Variants in ABCA12 observed in about 807,000 individuals in gnomAD.
ABCA12 encodes glucosylceramide transporter ABCA12.
In ABCA12, 156 loss-of-function variants were observed where a neutral mutation model predicts 293.5. The ratio of observed to expected loss-of-function variants is 0.53; its 90% CI spans 0.47 to 0.61. ABCA12 has a LOEUF of 0.61. ABCA12 is among the 20% of genes least tolerant of loss of function. ABCA12 has a pLI of 0.00. For missense variants in ABCA12, 2,797 were observed against 3,090.2 expected (o/e 0.91, Z 2.25); for synonymous variants, 1,063 against 1,108.0 (o/e 0.96, Z 0.81).
In ABCA12 at chr2:214,975,975, C is replaced by G; in HGVS notation, c.5191G>C (p.Ala1731Pro). 6.2e-7 allele frequency: 1 copy of G among 1,614,078 alleles called. No individual in the cohort carries two copies. The highest frequency in any genetic ancestry group is 8.5e-7 in the Non-Finnish European group (1 of 1,180,000). ...TGGTGGAACCTCTTGATGAGTATAG[C>G]CATGATCTTCTTCAGCAACAGTCCA... ...GFGLLLKKIM[A>P]ILIKRFHHTR... The change falls in exon 34 of 53, where the codon GCT (alanine) becomes CCT (proline). Residue 1731 changes from alanine (A) to proline (P), a missense_variant. By Grantham distance (27) the Ala-to-Pro change is conservative. Coordinates refer to ENST00000272895, the MANE Select transcript of ABCA12 (RefSeq NM_173076.3).
intron 1 of ABCA12, among the ~76,000 whole-genome samples, chr2:215,134,416 G>A (rs1409728065): frequency 7.1e-6 from 1 of 141,016 alleles, no homozygotes; most frequent in African/African-American, 2.7e-5. Flanking sequence ...ATGTATATAT[G>A]TACATATATG....
Position 214,975,912 on chromosome 2 carries a change from T to C in ABCA12, c.5254A>G (p.Ile1752Val). ...GTGGTAACAAAGACGATGGGGAGGA[T>C]AACCTGAGCAATGAGACCTTTCCAG... ...RNWKGLIAQV[I>V]LPIVFVTTAM... The change falls in exon 34 of 53, where the codon ATC becomes GTC. Residue 1752 changes from isoleucine (I) to valine (V), a missense_variant. By Grantham distance (29) the Ile-to-Val change is conservative. Around this residue, in one of 3 missense-constraint regions of ABCA12, gnomAD observed 2,130 missense variants for 2,427.0 expected, o/e 0.88. Coordinates refer to ENST00000272895, the MANE Select transcript of ABCA12 (RefSeq NM_173076.3). 1 of 1,614,102 alleles carries C rather than the reference T, an allele frequency of 6.2e-7. No homozygotes were observed. The highest frequency in any genetic ancestry group is 8.5e-7 in the Non-Finnish European group (1 of 1,179,970).
chr2:215,134,577 ATCTC>A (rs370388681), intron 1 of ABCA12, among the ~76,000 whole-genome samples: 1,685 of 76,826 alleles, frequency 0.022, 227 homozygotes, highest in African/African-American at 0.1. Flanking sequence ...TATATATATA[ATCTC>A]TCTCTCTCTC....
chr2:215,096,048 C>T (rs1173465146), intron 2 of ABCA12, among the ~76,000 whole-genome samples: 3 of 152,170 alleles, frequency 2.0e-5, no homozygotes, highest in Non-Finnish European at 4.4e-5. Context: ...ATAACAAATA[C>T]ACCAGAAGAC....
intron 2 of ABCA12, among the ~76,000 whole-genome samples, chr2:215,069,446 G>C (rs1264681008): frequency 6.6e-6 from 1 of 152,082 alleles, no homozygotes; most frequent in African/African-American, 2.4e-5. Flanking sequence ...ATGAATCTTA[G>C]AAGCATATTT....
intron 41 of ABCA12, 101 bp from the exon 42 acceptor site, chr2:214,956,879 A>G: frequency 2.6e-6 from 2 of 768,310 alleles, no homozygotes; most frequent in Non-Finnish European, 4.5e-6. Context: ...AAGTTGACCT[A>G]GAAAAATTTG....
Position 214,932,137 on chromosome 2 carries a change from C to T in ABCA12, c.*497G>A, listed in dbSNP as rs976330417. ...TTGTGCCCACTGCTCTGCAAACGTT[C>T]ATTTGGCCCTTAGCAGTTCACACAT... On this transcript the variant is annotated 3_prime_UTR_variant, in exon 53 of 53. Coordinates refer to ENST00000272895, the MANE Select transcript of ABCA12 (RefSeq NM_173076.3). 1 of 186,168 alleles carries T rather than the reference C, an allele frequency of 5.4e-6. No homozygotes were observed. Among genetic ancestry groups the T allele is most frequent in the South Asian group, 1.1e-4 (1 of 9,134 alleles). 11.5% of individuals were successfully genotyped at this position (186,168 alleles called of 1,614,324 possible).
intron 24 of ABCA12, 151 bp from the exon 25 acceptor site, chr2:214,989,772 C>T: frequency 2.5e-6 from 2 of 794,250 alleles, no homozygotes; most frequent in Non-Finnish European, 4.0e-6. Context: ...AGTCCCTTAC[C>T]AACCATGCTA....
Position 214,981,761 on chromosome 2 carries a change from G to GTTTTT in ABCA12, c.4579+421_4579+425dup, listed in dbSNP as rs11323161. ...CATAAACAGAAAAGTCGTCAAGCTG[G>GTTTTT]TTTTTTTTTTTTTTTTTTTTTTGAG... is the stretch of plus-strand genomic sequence containing the variant. On this transcript the variant is annotated intron_variant, in intron 30 of 52. Transcript: ENST00000272895. Among the ~76,000 whole-genome samples, 11 of 77,014 alleles carry GTTTTT rather than the reference G, an allele frequency of 1.4e-4. 1 individual carries two copies. Among genetic ancestry groups the GTTTTT allele is most frequent in the African/African-American group, 2.2e-4 (5 of 23,028 alleles). The allele number at this position is 77,014 out of a possible 152,430, so 50.5% of individuals were successfully genotyped here. A position where few individuals can be genotyped will look rare whatever the true frequency, so the allele number is the denominator to read the frequency against.
intron 2 of ABCA12, among the ~76,000 whole-genome samples, chr2:215,103,105 C>T (rs1177494879): frequency 6.6e-6 from 1 of 152,080 alleles, no homozygotes; most frequent in Admixed American, 6.6e-5. Flanking sequence ...TTTCACATTG[C>T]AATAGTTTCT....
intron 1 of ABCA12, among the ~76,000 whole-genome samples, chr2:215,119,600 AAGATC>A (rs1702758555): frequency 6.6e-6 from 1 of 152,094 alleles, no homozygotes; most frequent in Non-Finnish European, 1.5e-5. Flanking sequence ...AGCCTTGTCA[AAGATC>A]AGTTGGTTGT....
chr2:215,107,908 G>A (rs1320334559), intron 2 of ABCA12, among the ~76,000 whole-genome samples: 1 of 152,214 alleles, frequency 6.6e-6, no homozygotes, highest in African/African-American at 2.4e-5. Flanking sequence ...TCACTGATGA[G>A]AGTTGTGAAA....
intron 2 of ABCA12, among the ~76,000 whole-genome samples, chr2:215,086,410 C>G (rs1702038326): frequency 6.6e-6 from 1 of 152,188 alleles, no homozygotes; most frequent in African/African-American, 2.4e-5. Flanking sequence ...AATGCTTCTC[C>G]TGTCTGTACC....
At chr2:215,072,046 G>T (rs557306229) in intron 2 of ABCA12, among the ~76,000 whole-genome samples, 2 of 152,198 alleles carry the variant, frequency 1.3e-5, no homozygotes, top group African/African-American at 4.8e-5. Flanking sequence ...TTGGCAAAAA[G>T]GTAGACTGTA....
intron 2 of ABCA12, among the ~76,000 whole-genome samples, chr2:215,108,214 C>T (rs1702501967): frequency 6.6e-6 from 1 of 152,178 alleles, no homozygotes; most frequent in African/African-American, 2.4e-5. Flanking sequence ...AGCTACAATG[C>T]TTCATGAAGA....
At chr2:214,991,110 A>G in intron 23 of ABCA12, 79 bp from the exon 24 acceptor site, 3 of 1,259,444 alleles carry the variant, frequency 2.4e-6, no homozygotes, top group Non-Finnish European at 2.3e-6. Context: ...TTATGTCAAA[A>G]TGTCATGATA....
intron 2 of ABCA12, among the ~76,000 whole-genome samples, chr2:215,072,197 G>C (rs1237655379): frequency 6.6e-6 from 1 of 152,062 alleles, no homozygotes; most frequent in African/African-American, 2.4e-5. Context: ...CATTTGGGTG[G>C]GTGTCCTACA....
intron 6 of ABCA12, among the ~76,000 whole-genome samples, chr2:215,049,330 C>A (rs538185143): frequency 6.6e-6 from 1 of 152,230 alleles, no homozygotes; most frequent in East Asian, 1.9e-4. Flanking sequence ...ACCTAAAGAT[C>A]TCAGAGAAAA....
intron 14 of ABCA12, among the ~76,000 whole-genome samples, 167 bp from the exon 15 acceptor site, chr2:215,015,830 G>T (rs939371664): frequency 3.3e-5 from 5 of 152,196 alleles, no homozygotes; most frequent in Non-Finnish European, 5.9e-5. Context: ...AGACAATAGA[G>T]AATTAATAGT....
Sources: gnomAD v4.1 joint callset for allele counts (sites outside exome capture counted in the v4.1 genomes callset) on GRCh38, gnomAD v4.1.1 for gene constraint, gnomAD v4.1.1 regional missense constraint, MANE v1.5 for transcripts, NCBI Gene and HGNC (gene_info 2026-07-23, HGNC 2026-07-21) for gene names.